Variants in C1QTNF12 observed in about 807,000 individuals in gnomAD.
C1QTNF12 encodes the protein C1q and TNF related 12, also known as adipolin.
A neutral mutation model predicts 34.3 loss-of-function variants in C1QTNF12; 39 were observed. The ratio of observed to expected loss-of-function variants is 1.14; its 90% CI spans 0.88 to 1.49. C1QTNF12 has a LOEUF of 1.49. C1QTNF12 is among the 40% of genes most tolerant of loss of function. The pLI, the probability that C1QTNF12 is intolerant of heterozygous loss-of-function variation, is 0.00. For synonymous variants in C1QTNF12, 220 were observed against 196.9 expected (o/e 1.12, Z -0.98); for missense variants, 497 against 424.7 (o/e 1.17, Z -1.50).
chr1:1,246,798 C>T (rs1029713182), upstream of C1QTNF12: 3 of 818,552 alleles, frequency 3.7e-6, no homozygotes, highest in African/African-American at 5.5e-5. The surrounding 1 kb of genome is among the most constrained non-coding windows in gnomAD (Gnocchi z 4.5). Context: ...CAGGGGCGCG[C>T]CCGGCCTCCG....
chr1:1,245,518 A>ACC (rs1042628066), intron 1 of C1QTNF12, among the ~76,000 whole-genome samples: 1 of 151,230 alleles, frequency 6.6e-6, no homozygotes, highest in African/African-American at 2.4e-5. Context: ...GAGGCCCGCC[A>ACC]CCCTGCAGGG....
intron 2 of C1QTNF12, 33 bp from the exon 3 acceptor site, chr1:1,244,308 G>T: frequency 6.3e-7 from 1 of 1,588,076 alleles, no homozygotes. Flanking sequence ...GAGGGGCCCA[G>T]TGGGACCCGG....
intron 5 of C1QTNF12, 132 bp downstream of exon 5, chr1:1,243,312 G>A (rs886236527): frequency 7.6e-5 from 80 of 1,048,964 alleles, no homozygotes; most frequent in Admixed American, 6.3e-4. Context: ...CCCATGCCCA[G>A]TCCAAGGCCC....
rs1175892727 is a variant in C1QTNF12, at chr1:1,246,387, G to A, written c.177+127C>T. 4 of 771,408 alleles carry A rather than the reference G, an allele frequency of 5.2e-6. No homozygotes were observed. The highest frequency in any genetic ancestry group is 3.6e-5 in the African/African-American group (2 of 55,386). 47.8% of individuals were successfully genotyped at this position (771,408 alleles called of 1,614,324 possible). ...AGCAGATTCTCAAGGCGGGACCGTG[G>A]CCGAGGCCTCGAAAAGGGCGACCCG... On this transcript the variant is annotated intron_variant, in intron 1 of 7. Coordinates refer to ENST00000330388, the MANE Select transcript of C1QTNF12 (RefSeq NM_001014980.3). The surrounding 1 kb of genome is among the most constrained non-coding windows in gnomAD (Gnocchi z 4.5).
chr1:1,247,001 G>T (rs927645446), upstream of C1QTNF12, among the ~76,000 whole-genome samples: 3 of 151,730 alleles, frequency 2.0e-5, no homozygotes, highest in African/African-American at 7.3e-5. Context: ...ACACTCGGAC[G>T]ATCAGCCAGC....
chr1:1,246,775 C>G (rs1047967734), upstream of C1QTNF12: 15 of 1,008,070 alleles, frequency 1.5e-5, no homozygotes, highest in Non-Finnish European at 1.6e-5. This position sits in a 1 kb window ranked among gnomAD's most constrained non-coding sequence, Gnocchi z 4.5. Flanking sequence ...AGCCCCCGCG[C>G]GGGGGCGAGG....
chr1:1,243,851 C>G, intron 4 of C1QTNF12, 103 bp downstream of exon 4: 4 of 1,437,266 alleles, frequency 2.8e-6, no homozygotes, highest in Non-Finnish European at 3.8e-6. Flanking sequence ...CCCCCAGCCC[C>G]CAACCCACAT....
chr1:1,246,779 G>T, upstream of C1QTNF12: 1 of 1,027,394 alleles, frequency 9.7e-7, no homozygotes, highest in Non-Finnish European at 1.2e-6. The surrounding 1 kb of genome is among the most constrained non-coding windows in gnomAD (Gnocchi z 4.5). Flanking sequence ...CCCGCGCGGG[G>T]GCGAGGCCCA....
rs369025654 is a variant in C1QTNF12 at position 1,243,436 on chromosome 1, C to T, written c.640+8G>A. 544 of 1,549,936 alleles carry T rather than the reference C, an allele frequency of 3.5e-4. No individual in the cohort carries two copies. Among genetic ancestry groups the T allele is most frequent in the South Asian group, 6.4e-4 (54 of 84,196 alleles). ...TCACAGCACACGGCACTGCCCCATC[C>T]GGCTCACCCACGTGCAGACTGGCAG... is the stretch of plus-strand genomic sequence containing the variant. On this transcript the variant is annotated splice_region_variant and intron_variant, in intron 5 of 7. Transcript: ENST00000330388.
chr1:1,242,792 G>A (rs376266798), intron 7 of C1QTNF12, 43 bp downstream of exon 7: 53 of 1,601,266 alleles, frequency 3.3e-5, no homozygotes, highest in South Asian at 4.4e-5. Context: ...GGCCCAGCCC[G>A]AGTGCACCCG....
upstream of C1QTNF12, among the ~76,000 whole-genome samples, chr1:1,246,874 C>A (rs1416587857): frequency 2.0e-5 from 3 of 151,978 alleles, no homozygotes; most frequent in Admixed American, 1.3e-4. The surrounding 1 kb of genome is among the most constrained non-coding windows in gnomAD (Gnocchi z 4.5). Context: ...CCCCCGGGGT[C>A]CCGCTCCAGC....
Position 1,244,055 on chromosome 1 carries a change from C to G in C1QTNF12, c.430G>C (p.Gly144Arg). ...TCGCCCACCAGCCGCAGGCCCGCCC[C>G]CTGGGGCAGCAGCGGGTCCAGAAGC... ...SGLLDPLLPQGAGLRLVGEAF... is the reference protein window; with the variant it reads ...SGLLDPLLPQRAGLRLVGEAF... The change falls in exon 4 of 8, where the codon GGG becomes CGG. Residue 144 changes from glycine to arginine, a missense_variant. Gly to Arg is a moderately radical substitution (Grantham distance 125). Transcript: ENST00000330388. The G allele has an allele frequency of 2.5e-6, 4 of 1,599,674 alleles. No homozygotes were observed. In the Admixed American group the frequency reaches 5.2e-5, roughly 21 times the overall value.
chr1:1,247,064 A>AC (rs1638913172), upstream of C1QTNF12, among the ~76,000 whole-genome samples: 2 of 151,532 alleles, frequency 1.3e-5, no homozygotes, highest in African/African-American at 2.4e-5. Context: ...ACCCCCACTG[A>AC]CCCCGGCCGC....
chr1:1,245,493 C>G (rs945649634), intron 1 of C1QTNF12, among the ~76,000 whole-genome samples: 2 of 151,206 alleles, frequency 1.3e-5, no homozygotes, highest in South Asian at 2.1e-4. Context: ...GCCCTCCAGC[C>G]GGCACCCTTT....
chr1:1,243,095 A>G lies in C1QTNF12; in HGVS notation c.698T>C (p.Leu233Pro). 1.3e-6 allele frequency: 2 copies of G among 1,590,290 alleles called. No homozygotes were observed. Among genetic ancestry groups the G allele is most frequent in the Non-Finnish European group, 1.7e-6 (2 of 1,169,336 alleles). ...RLRARDVVCV[L>P]ICIESLCQRH... ...CTGGCACAGGGACTCAATACAGATG[A>G]GAACACACACCACGTCCCGGGCCCG... The change falls in exon 6 of 8, where the codon CTC becomes CCC. Residue 233 changes from leucine (L) to proline (P), a missense_variant. Leu to Pro is a moderately conservative substitution (Grantham distance 98, BLOSUM62 -3). Transcript: ENST00000330388.
In C1QTNF12 at chr1:1,244,395, TGCTTCCGCACC is replaced by T; in HGVS notation, c.269_279del (p.Arg90GlnfsTer124). 6.2e-7 allele frequency: 1 copy of T among 1,611,548 alleles called. No homozygotes were observed. Among genetic ancestry groups the T allele is most frequent in the South Asian group, 1.1e-5 (1 of 91,070 alleles). ...GCGGGGCTCACCGGCTTCTTGTCCC[TGCTTCCGCACC>T]GCTTCCTTAAGGCGCCGTCGTCCGG... On this transcript the variant is annotated frameshift_variant, in exon 2 of 8. Transcript: ENST00000330388. LOFTEE classifies it high-confidence loss of function.
chr1:1,243,311 A>G, intron 5 of C1QTNF12, 133 bp downstream of exon 5: 1 of 1,024,662 alleles, frequency 9.8e-7, no homozygotes, highest in South Asian at 1.6e-5. Flanking sequence ...CCCCATGCCC[A>G]GTCCAAGGCC....
rs781593683 is a variant in C1QTNF12, at chr1:1,244,368, G to A, written c.294+13C>T. ...CGGGGCTCAGACCCTGCAGCAGCCCGGGCGGGGCTCACCGGCTTCTTGTCC... is the reference window on the plus strand; with the variant it reads ...CGGGGCTCAGACCCTGCAGCAGCCCAGGCGGGGCTCACCGGCTTCTTGTCC... On this transcript the variant is annotated intron_variant, in intron 2 of 7. Transcript: ENST00000330388. The A allele has an allele frequency of 1.7e-5, 28 of 1,609,276 alleles. 1 individual carries two copies. Among genetic ancestry groups the A allele is most frequent in the South Asian group, 2.2e-5 (2 of 91,010 alleles).
intron 4 of C1QTNF12, 100 bp downstream of exon 4, chr1:1,243,843 CCCAGCCCCCAA>C: frequency 7.3e-7 from 1 of 1,373,032 alleles, no homozygotes; most frequent in Non-Finnish European, 9.9e-7. Flanking sequence ...GAGCCCCGCC[CCCAGCCCCCAA>C]CCCACATGCT....
Sources: gnomAD v4.1 joint callset for allele counts (sites outside exome capture counted in the v4.1 genomes callset) on GRCh38, gnomAD v4.1.1 for gene constraint, Gnocchi (gnomAD v3.1) non-coding constraint, MANE v1.5 for transcripts, NCBI Gene and HGNC (gene_info 2026-07-23, HGNC 2026-07-21) for gene names.